Variants in TMEM87A observed in about 807,000 individuals in gnomAD.
The protein encoded by TMEM87A is Golgi-pH regulating cation channel.
A neutral mutation model predicts 90.0 loss-of-function variants in TMEM87A; 50 were observed. That is an observed-to-expected ratio of 0.56 (90% confidence interval 0.44 to 0.70). The LOEUF (loss-of-function observed/expected upper bound fraction) is 0.70. TMEM87A is among the 30% of genes least tolerant of loss of function. TMEM87A has a pLI of 0.00. For synonymous variants in TMEM87A, 226 were observed against 226.7 expected, an observed-to-expected ratio of 1.00 and a Z score of 0.03; for missense variants, 577 against 660.5, an observed-to-expected ratio of 0.87 and a Z score of 1.39.
chr15:42,214,126 G>GC (rs1306379653), intron 19 of TMEM87A, among the ~76,000 whole-genome samples: 4 of 151,608 alleles, frequency 2.6e-5, no homozygotes, highest in Non-Finnish European at 5.9e-5. Flanking sequence ...AGAAAATCCG[G>GC]GGGGGGAACA....
chr15:42,273,252 C>G lies in TMEM87A; in HGVS notation c.144+3G>C. The stretch of plus-strand genomic sequence containing the variant: ...TTCAGACGTTAGTGAAGTGAATACT[C>G]ACCGACGGTATCGGAATGTGCCATT... On this transcript the variant is annotated splice_donor_region_variant and intron_variant, in intron 1 of 19. Coordinates refer to ENST00000389834, the MANE Select transcript of TMEM87A (RefSeq NM_015497.5). 6.2e-7 allele frequency: 1 copy of G among 1,614,102 alleles called. No homozygotes were observed. The highest frequency in any genetic ancestry group is 8.5e-7 in the Non-Finnish European group (1 of 1,180,026).
chr15:42,241,654 T>C (rs902536520), intron 7 of TMEM87A, among the ~76,000 whole-genome samples: 4 of 152,052 alleles, frequency 2.6e-5, no homozygotes, highest in African/African-American at 9.7e-5. Flanking sequence ...TTAGTGATGA[T>C]GTATCTTCTC....
At chr15:42,215,335 T>TA (rs34569758) in intron 19 of TMEM87A, among the ~76,000 whole-genome samples, 2 of 151,902 alleles carry the variant, frequency 1.3e-5, no homozygotes, top group Non-Finnish European at 2.9e-5. Context: ...CCGTCTCTAC[T>TA]AAAAAAATGC....
intron 3 of TMEM87A, 64 bp downstream of exon 3, chr15:42,267,883 T>C (rs2051436507): frequency 7.5e-7 from 1 of 1,327,328 alleles, no homozygotes; most frequent in Non-Finnish European, 1.1e-6. Context: ...CTCTATGAAA[T>C]TAAGAGACTG....
At chr15:42,216,860 AC>A (rs1418213431) in intron 19 of TMEM87A, among the ~76,000 whole-genome samples, 13 of 152,286 alleles carry the variant, frequency 8.5e-5, no homozygotes, top group Admixed American at 6.5e-4. Context: ...CTGAAAAAAA[AC>A]AAAACAAAAA....
Position 42,269,814 on chromosome 15 carries a change from T to C in TMEM87A, c.206-1782A>G, listed in dbSNP as rs538888505. On this transcript the variant is annotated intron_variant, in intron 2 of 19. Transcript: ENST00000389834. ...AGCCGGGCGCGGTGGCGGGCGCCTG[T>C]AGTCCCAGCTACTCGGGAGGCTGAG... Among the ~76,000 whole-genome samples the C allele has an allele frequency of 3.1e-3, 462 of 146,728 alleles. 1 individual carries two copies. Among genetic ancestry groups the C allele is most frequent in the African/African-American group, 0.011 (448 of 40,240 alleles).
intron 15 of TMEM87A, among the ~76,000 whole-genome samples, chr15:42,221,524 C>CAATTAAT (rs1170069858): frequency 5.9e-5 from 9 of 151,898 alleles, no homozygotes; most frequent in Non-Finnish European, 1.3e-4. Context: ...CAATTAAGTT[C>CAATTAAT]CAATCAAAAT....
intron 12 of TMEM87A, among the ~76,000 whole-genome samples, chr15:42,230,750 C>G (rs2050672749): frequency 6.6e-6 from 1 of 152,144 alleles, no homozygotes; most frequent in Admixed American, 6.5e-5. Context: ...TCAGAAAAGT[C>G]AAAGCACCTT....
Position 42,231,233 on chromosome 15 carries a change from A to T in TMEM87A, c.1090T>A (p.Phe364Ile). The T allele has an allele frequency of 1.3e-6, 2 of 1,592,258 alleles. No homozygotes were observed. Reference sequence around the variant, plus strand: ...GTGTCTAGGAAAGCCAAGGGGATAAAGGCCAAGGAAGCAAGATCAGTCTGG... The same window carrying T: ...GTGTCTAGGAAAGCCAAGGGGATAATGGCCAAGGAAGCAAGATCAGTCTGG... ...GAQTDLASLA[F>I]IPLAFLDTAL... is the part of the protein sequence containing the mutation. The change falls in exon 12 of 20, where the codon TTT (phenylalanine) becomes ATT (isoleucine). Residue 364 changes from phenylalanine (F) to isoleucine (I), a missense_variant. Transcript: ENST00000389834.
At chr15:42,244,404 A>G (rs564915649) in intron 6 of TMEM87A, among the ~76,000 whole-genome samples, 29 of 152,108 alleles carry the variant, frequency 1.9e-4, no homozygotes, top group East Asian at 1.2e-3. Context: ...CACATTTAAC[A>G]TATTTTTTTA....
chr15:42,263,471 C>G (rs1034497988), intron 4 of TMEM87A, among the ~76,000 whole-genome samples: 2 of 152,000 alleles, frequency 1.3e-5, no homozygotes, highest in African/African-American at 4.8e-5. Flanking sequence ...GGGGCTCAGC[C>G]CGGTGGCTCA....
intron 19 of TMEM87A, among the ~76,000 whole-genome samples, chr15:42,214,822 CAA>C (rs1287540078): frequency 3.9e-5 from 6 of 152,088 alleles, no homozygotes; most frequent in Admixed American, 2.0e-4. Flanking sequence ...AAGCACAAAA[CAA>C]GAGCAAAACA....
At chr15:42,215,754 A>G (rs2050373140) in intron 19 of TMEM87A, among the ~76,000 whole-genome samples, 1 of 152,200 alleles carries the variant, frequency 6.6e-6, no homozygotes, top group Non-Finnish European at 1.5e-5. Flanking sequence ...ATGTGGGCAA[A>G]GAAAGAAATT....
In TMEM87A at chr15:42,220,106, T is replaced by G; in HGVS notation, c.1433A>C (p.Glu478Ala). 1 of 1,608,582 alleles carries G rather than the reference T, an allele frequency of 6.2e-7. No individual in the cohort carries two copies. Among genetic ancestry groups the G allele is most frequent in the Admixed American group, 1.7e-5 (1 of 58,858 alleles). ...AGGCTCCTTTTGTTCATCCTCCTCC[T>G]CTTCCTCAGACAATGGTGAAAAGGC... Reference protein sequence around the residue: ...RFAFSPLSEEEEEDEQKEPML... With the variant: ...RFAFSPLSEEAEEDEQKEPML... Residue 478 changes from glutamate (E) to alanine (A), a missense_variant, in exon 16 of 20, where the codon GAG becomes GCG. Glu to Ala is a moderately radical substitution (Grantham distance 107, BLOSUM62 -1). Coordinates refer to ENST00000389834, the MANE Select transcript of TMEM87A (RefSeq NM_015497.5).
chr15:42,250,015 A>G (rs1057202655), intron 6 of TMEM87A, among the ~76,000 whole-genome samples: 5 of 152,202 alleles, frequency 3.3e-5, no homozygotes, highest in Admixed American at 3.3e-4. Context: ...CCCCTTTACC[A>G]TTATGTAATG....
chr15:42,236,257 C>A (rs1030016659), intron 10 of TMEM87A, 63 bp downstream of exon 10: 2 of 1,304,536 alleles, frequency 1.5e-6, no homozygotes, highest in Non-Finnish European at 2.2e-6. Context: ...TGGGAACATG[C>A]AATACTGTTT....
chr15:42,241,695 T>C (rs2050871670), intron 7 of TMEM87A, among the ~76,000 whole-genome samples: 1 of 151,842 alleles, frequency 6.6e-6, no homozygotes, highest in South Asian at 2.1e-4. Context: ...ATTTTTAAAA[T>C]GAAAAAACAA....
At chr15:42,213,570 C>T (rs149138554) in intron 19 of TMEM87A, among the ~76,000 whole-genome samples, 1 of 152,348 alleles carries the variant, frequency 6.6e-6, no homozygotes, top group African/African-American at 2.4e-5. Flanking sequence ...GGCTATGCCA[C>T]TGGCTCCAGG....
chr15:42,250,338 G>A (rs1741195635), intron 6 of TMEM87A, among the ~76,000 whole-genome samples: 1 of 152,172 alleles, frequency 6.6e-6, no homozygotes, highest in Non-Finnish European at 1.5e-5. Flanking sequence ...TTGCCCGTTG[G>A]TTGATGCAGT....
Sources: allele counts gnomAD v4.1 joint callset (sites outside exome capture counted in the v4.1 genomes callset), GRCh38; gene constraint gnomAD v4.1.1; transcripts MANE v1.5; gene names NCBI Gene and HGNC (gene_info 2026-07-23, HGNC 2026-07-21).